The following ANKRD36C variants were observed in gnomAD, a reference collection of about 807,000 sequenced individuals.
ANKRD36C encodes ankyrin repeat domain-containing protein 36C.
Under a neutral mutation model 276.4 loss-of-function variants are expected in ANKRD36C, and 61 were observed. The observed-to-expected ratio is 0.22, with a 90% CI of 0.18 to 0.27. The LOEUF (loss-of-function observed/expected upper bound fraction) is 0.27. Among genes scored for constraint, ANKRD36C ranks in the 10% least tolerant of loss-of-function variants. The pLI is 1.00. For synonymous variants in ANKRD36C, 483 were observed against 680.1 expected (o/e 0.71, Z 4.51); for missense variants, 1,447 against 2,032.3 (o/e 0.71, Z 5.54).
intron 6 of ANKRD36C, among the ~76,000 whole-genome samples, chr2:95,973,429 A>C (rs1302774026): frequency 1.3e-5 from 2 of 152,152 alleles, no homozygotes; most frequent in East Asian, 1.9e-4. Flanking sequence ...AAAATCTATT[A>C]ATAAAAACAT....
exon 63 of ANKRD36C, chr2:95,856,027 C>T (rs755190203): frequency 5.0e-6 from 8 of 1,611,138 alleles, no homozygotes; most frequent in Middle Eastern, 1.7e-4. Flanking sequence ...TGAAGGTCTT[C>T]ATGCTTTCTT....
exon 4 of ANKRD36C, chr2:95,982,330 A>G (rs1487118224): frequency 6.5e-7 from 1 of 1,550,058 alleles, no homozygotes; most frequent in Non-Finnish European, 8.7e-7. Context: ...CTTTTCTTTG[A>G]CTCACAGCAA....
intron 6 of ANKRD36C, among the ~76,000 whole-genome samples, chr2:95,977,738 T>C (rs1169208082): frequency 6.6e-6 from 1 of 152,162 alleles, no homozygotes; most frequent in African/African-American, 2.4e-5. Context: ...ACTGTAATTA[T>C]TGATTCATTT....
chr2:95,912,492 T>C lies in ANKRD36C; in HGVS notation c.2552-57A>G, dbSNP rs1301698203. 1.9e-6 allele frequency: 3 copies of C among 1,601,640 alleles called. No individual in the cohort carries two copies. In the African/African-American group the frequency reaches 4.0e-5, roughly 22 times the overall value. ...CACGTAAATATGATAAAGTTATCCA[T>C]ACATTCGCACAGTGTTAGCATCAAC... On this transcript the variant is annotated intron_variant, in intron 40 of 66. Transcript: ENST00000456556.
intron 6 of ANKRD36C, among the ~76,000 whole-genome samples, chr2:95,975,750 C>A (rs1368139272): frequency 6.6e-6 from 1 of 152,062 alleles, no homozygotes; most frequent in Non-Finnish European, 1.5e-5. Flanking sequence ...CCAAAAGCAA[C>A]GGCAACAAAA....
chr2:95,942,289 C>CA (rs1677916033), intron 19 of ANKRD36C, among the ~76,000 whole-genome samples: 1 of 152,244 alleles, frequency 6.6e-6, no homozygotes, highest in Non-Finnish European at 1.5e-5. Context: ...ATATGGGATT[C>CA]AAAATTTCAA....
At chr2:95,941,106 T>A in intron 20 of ANKRD36C, 54 bp downstream of exon 20, 1 of 1,255,506 alleles carries the variant, frequency 8.0e-7, no homozygotes, top group Non-Finnish European at 1.0e-6. Flanking sequence ...ACACAAAAAA[T>A]AACATTATCA....
chr2:95,914,377 A>T (rs2104405227), intron 38 of ANKRD36C, 74 bp from the exon 41 acceptor site: 4 of 1,504,064 alleles, frequency 2.7e-6, no homozygotes, highest in Non-Finnish European at 2.7e-6. Context: ...ATGCAGTGTT[A>T]GCATCAACCT....
intron 34 of ANKRD36C, among the ~76,000 whole-genome samples, chr2:95,919,326 T>C (rs1677202279): frequency 7.5e-6 from 1 of 133,284 alleles, no homozygotes; most frequent in African/African-American, 2.5e-5. Context: ...ACAGTGTCTA[T>C]AGGTTATTAA....
intron 48 of ANKRD36C, 117 bp from the exon 69 acceptor site, chr2:95,888,237 A>T (rs1383106186): frequency 3.9e-6 from 6 of 1,535,322 alleles, no homozygotes; most frequent in Non-Finnish European, 5.3e-6. Context: ...ATAGGCTTTG[A>T]TGTTTTCTAC....
chr2:95,912,252 G>T (rs1488834342), exon 42 of ANKRD36C: 36 of 1,549,582 alleles, frequency 2.3e-5, no homozygotes, highest in Non-Finnish European at 3.1e-5. Context: ...ACCTGTCCTA[G>T]ATGTTTCTCC....
At chr2:95,971,263 T>C (rs1211239823) in intron 6 of ANKRD36C, among the ~76,000 whole-genome samples, 3 of 143,920 alleles carry the variant, frequency 2.1e-5, no homozygotes, top group African/African-American at 4.9e-5. Context: ...ACATTTATTA[T>C]ACATTTGTCC....
intron 61 of ANKRD36C, among the ~76,000 whole-genome samples, chr2:95,857,986 G>T (rs72931738): frequency 6.6e-6 from 1 of 151,810 alleles, no homozygotes; most frequent in South Asian, 2.1e-4. Context: ...TTAATCCCAG[G>T]TCTTCAAATA....
At chr2:95,966,360 G>A (rs1263700517) in intron 6 of ANKRD36C, among the ~76,000 whole-genome samples, 3 of 152,100 alleles carry the variant, frequency 2.0e-5, no homozygotes, top group Admixed American at 6.6e-5. Context: ...TGTAAGGAAG[G>A]GGTCCAGTTT....
At chr2:95,931,465 T>C (rs1376231601) in intron 24 of ANKRD36C, among the ~76,000 whole-genome samples, 2 of 150,494 alleles carry the variant, frequency 1.3e-5, no homozygotes, top group Non-Finnish European at 1.5e-5. Flanking sequence ...AACACTTTTA[T>C]GTACACAACA....
At chr2:95,892,709 T>C (rs1336521072) in intron 44 of ANKRD36C, among the ~76,000 whole-genome samples, 1 of 151,360 alleles carries the variant, frequency 6.6e-6, no homozygotes. Context: ...GTTTCTAAAA[T>C]AGCCTTGTTG....
intron 28 of ANKRD36C, among the ~76,000 whole-genome samples, chr2:95,926,769 T>C (rs1390271044): frequency 6.6e-6 from 1 of 151,584 alleles, no homozygotes; most frequent in Non-Finnish European, 1.5e-5. Flanking sequence ...ACAATCCTCT[T>C]CCTTGAGGAA....
chr2:95,897,806 C>G (rs562496040), intron 44 of ANKRD36C, among the ~76,000 whole-genome samples: 2 of 146,446 alleles, frequency 1.4e-5, no homozygotes, highest in Admixed American at 1.4e-4. Flanking sequence ...GAATCAATGT[C>G]AAAGCAGGTG....
chr2:95,884,982 G>A (rs1425180320), intron 52 of ANKRD36C, among the ~76,000 whole-genome samples: 1 of 151,968 alleles, frequency 6.6e-6, no homozygotes, highest in Non-Finnish European at 1.5e-5. Flanking sequence ...TAAGTTTCTT[G>A]TATCCACTCG....
Sources: gnomAD v4.1 joint callset for allele counts (sites outside exome capture counted in the v4.1 genomes callset) on GRCh38, gnomAD v4.1.1 for gene constraint, MANE v1.5 for transcripts, NCBI Gene and HGNC (gene_info 2026-07-23, HGNC 2026-07-21) for gene names.